NTRK3: variants seen among roughly 807,000 people sequenced by gnomAD.
NTRK3 encodes neurotrophic receptor tyrosine kinase 3.
NTRK3 carries 24 observed loss-of-function variants against 91.7 expected under a neutral mutation model. The ratio of observed to expected loss-of-function variants is 0.26; its 90% CI spans 0.19 to 0.37. The LOEUF is 0.37. Ranked by LOEUF, NTRK3 falls within the 10% of genes least tolerant of loss-of-function variation. NTRK3 has a pLI of 1.00. For synonymous variants in NTRK3, 483 were observed against 404.0 expected (o/e 1.20, Z -2.34); for missense variants, 880 against 1,068.9 (o/e 0.82, Z 2.46).
chr15:88,036,826 C>G (rs150010596), intron 13 of NTRK3, among the ~76,000 whole-genome samples: 1 of 152,264 alleles, frequency 6.6e-6, no homozygotes, highest in East Asian at 1.9e-4. Flanking sequence ...CTGTTCTCAG[C>G]ATTATAGGAT....
chr15:87,909,687 T>C (rs567152685), intron 17 of NTRK3, among the ~76,000 whole-genome samples: 3 of 152,302 alleles, frequency 2.0e-5, no homozygotes, highest in Admixed American at 2.0e-4. Flanking sequence ...CTTCAGAATA[T>C]GACTGTATTT....
chr15:88,202,162 G>A (rs1293273570), intron 3 of NTRK3, among the ~76,000 whole-genome samples: 2 of 152,152 alleles, frequency 1.3e-5, no homozygotes, highest in Admixed American at 1.3e-4. Flanking sequence ...CTTCCTCCTG[G>A]TCTTCGTTTC....
At chr15:87,997,082 C>T (rs537812199) in intron 14 of NTRK3, among the ~76,000 whole-genome samples, 2 of 152,346 alleles carry the variant, frequency 1.3e-5, no homozygotes, top group South Asian at 4.1e-4. Context: ...TTCTAAGTTT[C>T]ACTTCCAGTT....
intron 10 of NTRK3, among the ~76,000 whole-genome samples, chr15:88,132,780 T>G (rs2041491315): frequency 6.6e-6 from 1 of 152,182 alleles, no homozygotes; most frequent in African/African-American, 2.4e-5. Context: ...TGGCATCGTT[T>G]CCCTGTCACT....
chr15:87,893,029 C>T (rs2065927174), intron 17 of NTRK3, among the ~76,000 whole-genome samples: 1 of 152,152 alleles, frequency 6.6e-6, no homozygotes, highest in Non-Finnish European at 1.5e-5. Context: ...TTCAAAATTA[C>T]TTTGAAGATT....
chr15:88,054,143 A>T (rs997693630), intron 13 of NTRK3, among the ~76,000 whole-genome samples: 1 of 152,192 alleles, frequency 6.6e-6, no homozygotes, highest in Non-Finnish European at 1.5e-5. Context: ...GAATAATAAA[A>T]CCTGCCTCAT....
intron 13 of NTRK3, among the ~76,000 whole-genome samples, chr15:88,044,419 C>A (rs554662258): frequency 3.8e-4 from 57 of 151,892 alleles, no homozygotes; most frequent in African/African-American, 1.3e-3. Context: ...TGCCACCATA[C>A]CCGGCTAATT....
At chr15:88,126,233 C>A (rs772229665) in intron 13 of NTRK3, 38 bp downstream of exon 13, 1 of 1,400,016 alleles carries the variant, frequency 7.1e-7, no homozygotes, top group Non-Finnish European at 1.0e-6. Context: ...GTAATGTTTC[C>A]CCCCATGACG....
chr15:87,934,699 T>A (rs911817393), intron 15 of NTRK3, among the ~76,000 whole-genome samples: 1 of 152,108 alleles, frequency 6.6e-6, no homozygotes, highest in Non-Finnish European at 1.5e-5. Context: ...TTTCTGGAGT[T>A]GGAGAAACTG....
chr15:87,916,326 C>A, intron 17 of NTRK3: 1 of 409,378 alleles, frequency 2.4e-6, no homozygotes, highest in Non-Finnish European at 4.4e-6. Context: ...AAAAAAAGGC[C>A]TTTTGCACTT....
At chr15:87,860,480 T>C (rs78342358) in exon 19 of NTRK3, 6,396 of 45,720 alleles carry the variant, frequency 0.14, 293 homozygotes, top group African/African-American at 0.21. Flanking sequence ...AAGTTAGAAT[T>C]TTTTTTTTTT....
rs1003582404 is a variant in NTRK3 at position 87,961,776 on chromosome 15, G to A, written c.1586-21023C>T. 3.2e-4 allele frequency among the ~76,000 whole-genome samples: 49 copies of A among 152,240 alleles called. 1 individual carries two copies. Among genetic ancestry groups the A allele is most frequent in the Non-Finnish European group, 8.8e-5 (6 of 68,040 alleles). ...TGGTGAGAGCACCAGGCTTCCCTTTGGCCTAGCCATTAACCCCTGATTCAA... is the reference window on the plus strand; with the variant it reads ...TGGTGAGAGCACCAGGCTTCCCTTTAGCCTAGCCATTAACCCCTGATTCAA... On this transcript the variant is annotated intron_variant, in intron 14 of 18. Transcript: ENST00000394480.
intron 17 of NTRK3, among the ~76,000 whole-genome samples, chr15:87,903,334 G>C (rs2066564037): frequency 6.6e-6 from 1 of 152,210 alleles, no homozygotes; most frequent in African/African-American, 2.4e-5. Flanking sequence ...TGCAGACCAA[G>C]AAGTCCCATC....
At chr15:88,156,729 T>C (rs1479940121) in intron 5 of NTRK3, among the ~76,000 whole-genome samples, 1 of 152,212 alleles carries the variant, frequency 6.6e-6, no homozygotes, top group Non-Finnish European at 1.5e-5. Flanking sequence ...AGCCTGCGTC[T>C]CAGACTGCTG....
At position 88,198,078 on chromosome 15, in the gene NTRK3, G is replaced by A. The variant is rs144694077; in HGVS notation, c.249-13779C>T. The stretch of plus-strand genomic sequence containing the variant: ...CTAGCACATTCCCTGAAATATGCTA[G>A]GGCTCAAAGAATGTTTATTTTCCTC... On this transcript the variant is annotated intron_variant, in intron 3 of 18. Transcript: ENST00000394480. Among the ~76,000 whole-genome samples, 24 of 152,262 alleles carry A rather than the reference G, an allele frequency of 1.6e-4. 1 individual carries two copies. Among genetic ancestry groups the A allele is most frequent in the African/African-American group, 5.5e-4 (23 of 41,554 alleles).
chr15:88,068,688 C>A (rs2046859043), intron 13 of NTRK3, among the ~76,000 whole-genome samples: 1 of 152,150 alleles, frequency 6.6e-6, no homozygotes, highest in Non-Finnish European at 1.5e-5. Flanking sequence ...CAGATCTGCA[C>A]TGAACCCACT....
chr15:88,145,006 C>T (rs1206281814), intron 6 of NTRK3, among the ~76,000 whole-genome samples: 1 of 152,158 alleles, frequency 6.6e-6, no homozygotes, highest in Admixed American at 6.5e-5. Context: ...TTCCTGGCTC[C>T]ACAACACACT....
At chr15:87,982,121 G>A (rs894815519) in intron 14 of NTRK3, among the ~76,000 whole-genome samples, 1 of 152,166 alleles carries the variant, frequency 6.6e-6, no homozygotes, top group Non-Finnish European at 1.5e-5. Context: ...CCCCGAAGCT[G>A]CCTTCGTGAA....
chr15:88,071,872 G>C (rs1321608544), intron 13 of NTRK3, among the ~76,000 whole-genome samples: 2 of 152,144 alleles, frequency 1.3e-5, no homozygotes, highest in East Asian at 3.9e-4. Flanking sequence ...CCTCTGTCCA[G>C]CTTTTGAGTC....
Sources: allele counts gnomAD v4.1 joint callset (sites outside exome capture counted in the v4.1 genomes callset), GRCh38; gene constraint gnomAD v4.1.1; transcripts MANE v1.5; gene names NCBI Gene and HGNC (gene_info 2026-07-23, HGNC 2026-07-21).